The following SPAG16 variants were observed in gnomAD, a reference collection of about 807,000 sequenced individuals.
SPAG16 encodes the protein sperm associated antigen 16.
A neutral mutation model predicts 80.4 loss-of-function variants in SPAG16; 86 were observed. That is an observed-to-expected ratio of 1.07 (90% CI 0.90 to 1.28). The LOEUF (loss-of-function observed/expected upper bound fraction) is 1.28. Ranked by LOEUF, SPAG16 falls within the 50% of genes most tolerant of loss-of-function variation. The pLI is 0.00. For synonymous variants in SPAG16, 294 were observed against 265.9 expected (o/e 1.11, Z -1.03); for missense variants, 870 against 765.3 (o/e 1.14, Z -1.61).
chr2:214,326,673 C>T lies in SPAG16; in HGVS notation c.1721-83467C>T, dbSNP rs186948314. On this transcript the variant is annotated intron_variant, in intron 15 of 15. Transcript: ENST00000331683. Reference sequence around the variant, plus strand: ...AAGTCACAGTACTTCCGGCCGGGCGCGGTGGCTCACGCCTGTAATCCTAGC... The same window carrying T: ...AAGTCACAGTACTTCCGGCCGGGCGTGGTGGCTCACGCCTGTAATCCTAGC... 1.3e-3 allele frequency among the ~76,000 whole-genome samples: 192 copies of T among 152,104 alleles called. 1 individual carries two copies. The highest frequency in any genetic ancestry group is 4.1e-3 in the African/African-American group (172 of 41,522).
chr2:213,725,804 C>T (rs73986905), intron 10 of SPAG16, among the ~76,000 whole-genome samples: 8,550 of 152,216 alleles, frequency 0.056, 513 homozygotes, highest in African/African-American at 0.15. Context: ...TGTTTTCCAA[C>T]AGCAACCTAA....
intron 11 of SPAG16, among the ~76,000 whole-genome samples, chr2:213,905,330 A>G (rs965150708): frequency 2.0e-5 from 3 of 152,242 alleles, no homozygotes; most frequent in East Asian, 3.8e-4. Context: ...TTTTATACGT[A>G]TAATAACTCG....
intron 10 of SPAG16, among the ~76,000 whole-genome samples, chr2:213,622,221 C>T (rs946426930): frequency 1.3e-5 from 2 of 152,064 alleles, no homozygotes; most frequent in African/African-American, 2.4e-5. Context: ...CTCTTACGGT[C>T]TTAAAGTTTC....
intron 14 of SPAG16, among the ~76,000 whole-genome samples, chr2:214,114,155 G>A (rs2053816730): frequency 6.6e-6 from 1 of 152,254 alleles, no homozygotes; most frequent in Non-Finnish European, 1.5e-5. Context: ...CACCAGCAGA[G>A]GCTGCAGAAC....
At chr2:213,577,231 C>A (rs531896386) in intron 10 of SPAG16, among the ~76,000 whole-genome samples, 21 of 152,210 alleles carry the variant, frequency 1.4e-4, no homozygotes, top group Non-Finnish European at 2.9e-4. Flanking sequence ...TATTCTGTGG[C>A]AACATAATCC....
chr2:213,301,811 G>A (rs72935174), intron 3 of SPAG16, among the ~76,000 whole-genome samples: 31,855 of 151,904 alleles, frequency 0.21, 4,328 homozygotes, highest in Non-Finnish European at 0.31. Context: ...CCCTTTCTCC[G>A]TAAGACCCTG....
chr2:213,440,041 T>A (rs2070847444), intron 9 of SPAG16, among the ~76,000 whole-genome samples: 1 of 152,192 alleles, frequency 6.6e-6, no homozygotes, highest in Non-Finnish European at 1.5e-5. Flanking sequence ...ACTCTGATAC[T>A]GCGTAGCTGT....
chr2:214,370,370 T>G (rs1699732797), intron 15 of SPAG16, among the ~76,000 whole-genome samples: 2 of 152,206 alleles, frequency 1.3e-5, no homozygotes, highest in East Asian at 3.8e-4. Context: ...TCTCTCATTT[T>G]GATTGCTGTG....
rs373255563 is a variant in SPAG16, at chr2:213,603,369, C to T, written c.1070+113279C>T. ...TCTTCTGATGCTTATACGCATTTTC[C>T]GTATCTTGCCAACTGTGGCTGGTTT... On this transcript the variant is annotated intron_variant, in intron 10 of 15. Coordinates refer to ENST00000331683, the MANE Select transcript of SPAG16 (RefSeq NM_024532.5). Among the ~76,000 whole-genome samples, 12 of 152,292 alleles carry T rather than the reference C, an allele frequency of 7.9e-5. No homozygotes were observed. The East Asian group carries it at 1.3e-3, about 17-fold the overall frequency.
chr2:213,749,896 A>G (rs1286089940), intron 10 of SPAG16, among the ~76,000 whole-genome samples: 1 of 152,174 alleles, frequency 6.6e-6, no homozygotes, highest in Non-Finnish European at 1.5e-5. Flanking sequence ...CACTCAATAA[A>G]TGTGTTTTAT....
chr2:214,183,050 C>G lies in SPAG16; in HGVS notation c.1720+33784C>G, dbSNP rs113610733. Among the ~76,000 whole-genome samples, 919 of 152,016 alleles carry G rather than the reference C, an allele frequency of 6.0e-3. 4 individuals are homozygous for G. The highest frequency in any genetic ancestry group is 0.014 in the Middle Eastern group (4 of 294). ...CTAACCATTGGTTATTTTCCTAATA[C>G]AGTAAATTAGTGATAATCTCCAGTT... On this transcript the variant is annotated intron_variant, in intron 15 of 15. Coordinates refer to ENST00000331683, the MANE Select transcript of SPAG16 (RefSeq NM_024532.5).
intron 12 of SPAG16, among the ~76,000 whole-genome samples, chr2:213,938,377 C>T (rs1195480237): frequency 6.6e-6 from 1 of 151,820 alleles, no homozygotes; most frequent in African/African-American, 2.4e-5. Context: ...TTAAGATTTA[C>T]TTGTACATGT....
At chr2:214,076,012 T>A (rs2051056177) in intron 13 of SPAG16, among the ~76,000 whole-genome samples, 1 of 152,192 alleles carries the variant, frequency 6.6e-6, no homozygotes, top group South Asian at 2.1e-4. Context: ...TGTCTATATT[T>A]GAATGCATTT....
intron 15 of SPAG16, among the ~76,000 whole-genome samples, chr2:214,261,319 GGAAT>G (rs1188166938): frequency 6.6e-6 from 1 of 151,728 alleles, no homozygotes; most frequent in Non-Finnish European, 1.5e-5. Context: ...GAAGCCCCCT[GGAAT>G]TCCCAATACT....
rs1182447918 is a variant in SPAG16 at position 213,930,224 on chromosome 2, T to C, written c.1400+79T>C. On this transcript the variant is annotated intron_variant, in intron 12 of 15. Coordinates refer to ENST00000331683, the MANE Select transcript of SPAG16 (RefSeq NM_024532.5). The stretch of plus-strand genomic sequence containing the variant: ...TAAAGTGGTAAAGTTCTTTTTTTTT[T>C]TTCCTTGATGCTACCCCAGGGAAAC... 2.1e-5 allele frequency: 23 copies of C among 1,089,482 alleles called. No homozygotes were observed. In the South Asian group the frequency reaches 4.6e-4, roughly 22 times the overall value. The allele number at this position is 1,089,482 out of a possible 1,614,324, so 67.5% of individuals were successfully genotyped here.
chr2:213,906,856 C>T (rs2077454417), intron 11 of SPAG16, among the ~76,000 whole-genome samples: 1 of 152,202 alleles, frequency 6.6e-6, no homozygotes, highest in South Asian at 2.1e-4. Flanking sequence ...ATATAAAAAT[C>T]AACTCAAAAT....
intron 10 of SPAG16, among the ~76,000 whole-genome samples, chr2:213,711,651 C>T (rs951293795): frequency 1.3e-5 from 2 of 151,664 alleles, no homozygotes; most frequent in South Asian, 2.1e-4. Flanking sequence ...TCCTGAGTAG[C>T]TGAGATTACA....
At chr2:213,526,880 G>A (rs1299900382) in intron 10 of SPAG16, among the ~76,000 whole-genome samples, 1 of 152,106 alleles carries the variant, frequency 6.6e-6, no homozygotes, top group African/African-American at 2.4e-5. Flanking sequence ...TCATCATAAG[G>A]GTGAGGAACA....
At chr2:213,802,179 A>G (rs912436209) in intron 10 of SPAG16, among the ~76,000 whole-genome samples, 1 of 152,164 alleles carries the variant, frequency 6.6e-6, no homozygotes, top group African/African-American at 2.4e-5. Context: ...GAGAGATGAT[A>G]AGGGGAGGAA....
Sources: gnomAD v4.1 joint callset for allele counts (sites outside exome capture counted in the v4.1 genomes callset) on GRCh38, gnomAD v4.1.1 for gene constraint, MANE v1.5 for transcripts, NCBI Gene and HGNC (gene_info 2026-07-23, HGNC 2026-07-21) for gene names.